Variants in PIK3R5 observed in about 807,000 individuals in gnomAD.
The protein encoded by PIK3R5 is phosphoinositide-3-kinase regulatory subunit 5, also known as phosphoinositide 3-kinase regulatory subunit 5.
PIK3R5 carries 32 observed loss-of-function variants against 94.9 expected under a neutral mutation model. That is an observed-to-expected ratio of 0.34 (90% CI 0.25 to 0.45). The LOEUF is 0.45. Among genes scored for constraint, PIK3R5 ranks in the 20% least tolerant of loss-of-function variants. The pLI is 1.00. For missense variants in PIK3R5, 853 were observed against 1,144.6 expected (o/e 0.75, Z 3.68); for synonymous variants, 443 against 479.4 (o/e 0.92, Z 0.99).
intron 5 of PIK3R5, among the ~76,000 whole-genome samples, chr17:8,894,995 T>G (rs1273607523): frequency 6.6e-6 from 1 of 152,184 alleles, no homozygotes; most frequent in East Asian, 1.9e-4. Context: ...CCTAATTGCT[T>G]TGATTTTTGG....
intron 1 of PIK3R5, among the ~76,000 whole-genome samples, chr17:8,941,842 G>A (rs1382404462): frequency 6.6e-6 from 1 of 152,238 alleles, no homozygotes; most frequent in Middle Eastern, 3.2e-3. Context: ...AATCCTGCCT[G>A]CTGCATTAAT....
At position 8,904,344 on chromosome 17, in the gene PIK3R5, C is replaced by A. The variant is rs763357376; in HGVS notation, c.412+433G>T. ...ATTGTTCCTAGTACCAGCCACCTTC[C>A]CCAACCCAAACTGCATCAACCCACA... On this transcript the variant is annotated intron_variant, in intron 5 of 18. Transcript: ENST00000447110. The surrounding 1 kb of genome is among the most constrained non-coding windows in gnomAD (Gnocchi z 5.1). Among the ~76,000 whole-genome samples the A allele has an allele frequency of 2.6e-5, 4 of 152,188 alleles. No individual in the cohort carries two copies. Among genetic ancestry groups the A allele is most frequent in the Admixed American group, 6.5e-5 (1 of 15,274 alleles).
intron 1 of PIK3R5, among the ~76,000 whole-genome samples, chr17:8,919,713 G>A (rs936873682): frequency 1.3e-5 from 2 of 152,090 alleles, no homozygotes; most frequent in Admixed American, 1.3e-4. Flanking sequence ...GTGTGCTTGG[G>A]ATCTGCAAGA....
chr17:8,879,508 G>T lies in PIK3R5; in HGVS notation c.*1131C>A, dbSNP rs1446671720. On this transcript the variant is annotated 3_prime_UTR_variant, in exon 19 of 19. Transcript: ENST00000447110. This position sits in a 1 kb window ranked among gnomAD's most constrained non-coding sequence, Gnocchi z 4.4. ...TGCCAGTGAACTTGCGGATATGGAA[G>T]ATTGTACACGCAGAGTGAGATGGGA... 1 of 152,260 alleles carries T rather than the reference G, an allele frequency of 6.6e-6. No homozygotes were observed. The highest frequency in any genetic ancestry group is 1.5e-5 in the Non-Finnish European group (1 of 68,086). The allele number at this position is 152,260 out of a possible 1,614,324, so 9.4% of individuals were successfully genotyped here.
intron 11 of PIK3R5, 105 bp downstream of exon 11, chr17:8,887,416 G>A (rs2089891488): frequency 1.5e-6 from 2 of 1,355,864 alleles, no homozygotes; most frequent in Non-Finnish European, 2.0e-6. Flanking sequence ...GCAGGGGGAG[G>A]TGCCCTGTCA....
intron 1 of PIK3R5, among the ~76,000 whole-genome samples, chr17:8,942,963 T>TACACACACACACACAC (rs112851950): frequency 0.01 from 1,498 of 149,150 alleles, 12 homozygotes; most frequent in African/African-American, 0.025. Context: ...GATCACGTCA[T>TACACACACACACACAC]ACACACACAC....
intron 1 of PIK3R5, among the ~76,000 whole-genome samples, chr17:8,931,651 C>T (rs1052700235): frequency 3.3e-5 from 5 of 152,070 alleles, no homozygotes; most frequent in Admixed American, 1.3e-4. Flanking sequence ...AAGAGGGAAA[C>T]GTGAAAAAGA....
chr17:8,960,775 T>C (rs555973704), intron 1 of PIK3R5, among the ~76,000 whole-genome samples: 1 of 152,152 alleles, frequency 6.6e-6, no homozygotes, highest in Non-Finnish European at 1.5e-5. Flanking sequence ...CTCATTTGCC[T>C]AGGTCAACAA....
Position 8,893,789 on chromosome 17 carries a change from G to T in PIK3R5, c.413-134C>A. ...GGAGCTCAGGCGAACCTGCAGAGAA[G>T]CTGTTCTGTGGACCCTCCAGGGTGC... On this transcript the variant is annotated intron_variant, in intron 5 of 18. Coordinates refer to ENST00000447110, the MANE Select transcript of PIK3R5 (RefSeq NM_001142633.3). This position sits in a 1 kb window ranked among gnomAD's most constrained non-coding sequence, Gnocchi z 5.1. 1 of 672,864 alleles carries T rather than the reference G, an allele frequency of 1.5e-6. No individual in the cohort carries two copies. The allele number at this position is 672,864 out of a possible 1,614,324, so 41.7% of individuals were successfully genotyped here.
At chr17:8,908,927 C>T (rs1427440355) in intron 3 of PIK3R5, 147 bp downstream of exon 3, 2 of 591,996 alleles carry the variant, frequency 3.4e-6, no homozygotes, top group South Asian at 4.0e-5. Context: ...GCAAGTGCTA[C>T]CGAAACACAA....
At chr17:8,962,155 G>A (rs988327945) in intron 1 of PIK3R5, among the ~76,000 whole-genome samples, 3 of 152,110 alleles carry the variant, frequency 2.0e-5, no homozygotes, top group South Asian at 2.1e-4. Context: ...CTTGGCCCTC[G>A]GTTTTCTCAT....
Position 8,960,484 on chromosome 17 carries a change from T to C in PIK3R5, c.-14+5112A>G, listed in dbSNP as rs1246054426. ...CAGGAACATTGCCTGTCTTGCTCAG[T>C]GTCCTCAGAGCTTGGCACATGCCTG... is the stretch of plus-strand genomic sequence containing the variant. On this transcript the variant is annotated intron_variant, in intron 1 of 18. Transcript: ENST00000447110. Among the ~76,000 whole-genome samples the C allele has an allele frequency of 3.3e-5, 5 of 152,390 alleles. No homozygotes were observed. The East Asian group carries it at 7.7e-4, about 23-fold the overall frequency.
intron 5 of PIK3R5, among the ~76,000 whole-genome samples, chr17:8,900,638 C>A (rs546471224): frequency 6.6e-6 from 1 of 152,212 alleles, no homozygotes; most frequent in Non-Finnish European, 1.5e-5. Context: ...AGAGTCCCCC[C>A]TGCTCTGAGG....
Position 8,888,291 on chromosome 17 carries a change from G to A in PIK3R5, c.1496C>T (p.Pro499Leu). The A allele has an allele frequency of 1.2e-6, 2 of 1,613,222 alleles. No homozygotes were observed. The highest frequency in any genetic ancestry group is 1.7e-6 in the Non-Finnish European group (2 of 1,179,824). ...PSWLLAPASR[P>L]QRRRPFLSGD... The stretch of plus-strand genomic sequence containing the variant: ...ACTCAGGAAGGGGCGGCGGCGCTGG[G>A]GGCGTGAAGCAGGGGCCAGAAGCCA... The change falls in exon 10 of 19, where the codon CCC becomes CTC. Residue 499 changes from proline to leucine, a missense_variant. Pro to Leu is a moderately conservative substitution (Grantham distance 98). Coordinates refer to ENST00000447110, the MANE Select transcript of PIK3R5 (RefSeq NM_001142633.3). The surrounding 1 kb of genome is among the most constrained non-coding windows in gnomAD (Gnocchi z 7.8).
At position 8,945,062 on chromosome 17, in the gene PIK3R5, C is replaced by T. The variant is rs2091249878; in HGVS notation, c.-14+20534G>A. ...GTGCTTGGGGGTCCAGGAAGCCCTG[C>T]TGTGGAGCAGCCCAGAGACCTGGCA... is the stretch of plus-strand genomic sequence containing the variant. On this transcript the variant is annotated intron_variant, in intron 1 of 18. Coordinates refer to ENST00000447110, the MANE Select transcript of PIK3R5 (RefSeq NM_001142633.3). This position sits in a 1 kb window ranked among gnomAD's most constrained non-coding sequence, Gnocchi z 4.0. Among the ~76,000 whole-genome samples, 1 of 152,174 alleles carries T rather than the reference C, an allele frequency of 6.6e-6. No homozygotes were observed. Among genetic ancestry groups the T allele is most frequent in the South Asian group, 2.1e-4 (1 of 4,838 alleles).
chr17:8,936,710 T>C (rs890198983), intron 1 of PIK3R5, among the ~76,000 whole-genome samples: 2 of 152,248 alleles, frequency 1.3e-5, no homozygotes, highest in Non-Finnish European at 2.9e-5. Context: ...CTTCTGACTT[T>C]GTTCTTCTTC....
At chr17:8,891,865 A>G (rs996166540) in intron 6 of PIK3R5, among the ~76,000 whole-genome samples, 6 of 152,068 alleles carry the variant, frequency 3.9e-5, no homozygotes, top group Middle Eastern at 3.4e-3. Context: ...CGGCCTCCCA[A>G]AGTGCTGGGA....
intron 1 of PIK3R5, among the ~76,000 whole-genome samples, chr17:8,938,466 C>A (rs2151451906): frequency 6.6e-6 from 1 of 152,308 alleles, no homozygotes; most frequent in African/African-American, 2.4e-5. Flanking sequence ...GTAACCATCA[C>A]AACTATCTGA....
chr17:8,920,163 C>T lies in PIK3R5; in HGVS notation c.-13-8656G>A, dbSNP rs532451354. Among the ~76,000 whole-genome samples, 12 of 152,214 alleles carry T rather than the reference C, an allele frequency of 7.9e-5. 1 individual carries two copies. Among genetic ancestry groups the T allele is most frequent in the South Asian group, 4.1e-4 (2 of 4,822 alleles). The stretch of plus-strand genomic sequence containing the variant: ...CCTCCCAAAGTGCTGGGATTACAGG[C>T]GTGAGCCACCATGCCCGGCCCAGAG... On this transcript the variant is annotated intron_variant, in intron 1 of 18. Coordinates refer to ENST00000447110, the MANE Select transcript of PIK3R5 (RefSeq NM_001142633.3).
Sources: gnomAD v4.1 joint callset for allele counts (sites outside exome capture counted in the v4.1 genomes callset) on GRCh38, gnomAD v4.1.1 for gene constraint, Gnocchi (gnomAD v3.1) non-coding constraint, MANE v1.5 for transcripts, NCBI Gene and HGNC (gene_info 2026-07-23, HGNC 2026-07-21) for gene names.